Variants in CFAP210 observed in about 807,000 individuals in gnomAD.
The protein encoded by CFAP210 is cilia- and flagella- associated protein 210.
chr2:169,651,324 GT>G, the CFAP210 span, among the ~76,000 whole-genome samples: 1 of 151,792 alleles, frequency 6.6e-6, no homozygotes, highest in Admixed American at 6.6e-5. Flanking sequence ...GAGCCCAGGG[GT>G]TCAAGGTGGC....
the CFAP210 span, chr2:169,648,162 CAAAAAAAAAAAAAAA>C: frequency 2.0e-3 from 204 of 101,676 alleles, no homozygotes; most frequent in South Asian, 4.9e-3. Flanking sequence ...AACTCTGTCT[CAAAAAAAAAAAAAAA>C]AAAAAAAAAA....
At chr2:169,646,989 G>A in the CFAP210 span, among the ~76,000 whole-genome samples, 68,873 of 151,736 alleles carry the variant, frequency 0.45, 16,454 homozygotes, top group African/African-American at 0.59. Flanking sequence ...CAAAATGTTG[G>A]CATAAAATAG....
chr2:169,684,548 A>G, the CFAP210 span, among the ~76,000 whole-genome samples: 86 of 152,358 alleles, frequency 5.6e-4, no homozygotes, highest in Non-Finnish European at 1.2e-3. Context: ...TGTGCATGGA[A>G]TCATACAATA....
chr2:169,649,657 G>C, the CFAP210 span, among the ~76,000 whole-genome samples: 1 of 152,148 alleles, frequency 6.6e-6, no homozygotes, highest in African/African-American at 2.4e-5. Context: ...GCCATACTTG[G>C]TGGCTCAACA....
the CFAP210 span, among the ~76,000 whole-genome samples, chr2:169,654,848 T>C: frequency 1.3e-5 from 2 of 152,016 alleles, no homozygotes; most frequent in Non-Finnish European, 2.9e-5. Flanking sequence ...ACCAAAAATG[T>C]TTTTTTACAT....
chr2:169,647,032 A>AT, the CFAP210 span, among the ~76,000 whole-genome samples: 1 of 152,286 alleles, frequency 6.6e-6, no homozygotes, highest in African/African-American at 2.4e-5. Context: ...ATAAATTTAA[A>AT]TTTTTGATGG....
chr2:169,650,581 ATAATT>A, the CFAP210 span: 2 of 1,344,274 alleles, frequency 1.5e-6, no homozygotes, highest in Non-Finnish European at 1.9e-6. Context: ...TGGAGCCAAC[ATAATT>A]TAATTAGGGA....
chr2:169,680,935 AG>A, the CFAP210 span: 6 of 1,270,282 alleles, frequency 4.7e-6, no homozygotes, highest in Non-Finnish European at 5.5e-6. Context: ...ATTTATAAAA[AG>A]AAGCATAAGA....
At chr2:169,669,298 A>C in the CFAP210 span, among the ~76,000 whole-genome samples, 1 of 152,198 alleles carries the variant, frequency 6.6e-6, no homozygotes, top group African/African-American at 2.4e-5. Flanking sequence ...AGGACTGGTA[A>C]GAGAGGAGGT....
chr2:169,654,244 A>G, the CFAP210 span: 1 of 1,520,656 alleles, frequency 6.6e-7, no homozygotes, highest in Non-Finnish European at 8.8e-7. Flanking sequence ...ATATTAACTT[A>G]TCACAAAGAA....
At chr2:169,656,421 G>A in the CFAP210 span, among the ~76,000 whole-genome samples, 1 of 151,162 alleles carries the variant, frequency 6.6e-6, no homozygotes, top group Non-Finnish European at 1.5e-5. Context: ...AGAAGGAGGA[G>A]GACGAGGAAG....
the CFAP210 span, among the ~76,000 whole-genome samples, chr2:169,663,691 A>C: frequency 6.6e-6 from 1 of 152,126 alleles, no homozygotes; most frequent in Admixed American, 6.5e-5. Context: ...ATCTGTGCAG[A>C]ATAATAAGCT....
the CFAP210 span, among the ~76,000 whole-genome samples, chr2:169,649,025 GAAAC>G: frequency 3.9e-5 from 6 of 152,158 alleles, no homozygotes; most frequent in East Asian, 3.9e-4. Flanking sequence ...ACTGGAGATA[GAAAC>G]AAACCTCACA....
chr2:169,670,093 T>A, the CFAP210 span, among the ~76,000 whole-genome samples: 1 of 152,198 alleles, frequency 6.6e-6, no homozygotes, highest in East Asian at 1.9e-4. Flanking sequence ...GCTGATGGGA[T>A]TAACAGACAG....
chr2:169,661,497 A>T, the CFAP210 span: 1 of 250,468 alleles, frequency 4.0e-6, no homozygotes, highest in Non-Finnish European at 7.8e-6. Flanking sequence ...CCAGGCCTGG[A>T]GCTAGAGAGC....
chr2:169,688,562 A>G, the CFAP210 span, among the ~76,000 whole-genome samples: 1 of 152,166 alleles, frequency 6.6e-6, no homozygotes, highest in Non-Finnish European at 1.5e-5. Flanking sequence ...AGGTACCCTA[A>G]ATCATCTTTC....
chr2:169,688,006 C>G, the CFAP210 span, among the ~76,000 whole-genome samples: 1 of 152,232 alleles, frequency 6.6e-6, no homozygotes, highest in Non-Finnish European at 1.5e-5. Context: ...CTTGGGGCTT[C>G]CACCCTCTGA....
the CFAP210 span, among the ~76,000 whole-genome samples, chr2:169,679,160 T>C: frequency 0.64 from 97,572 of 151,978 alleles, 31,872 homozygotes; most frequent in African/African-American, 0.78. Context: ...CAATACCTCA[T>C]TGCATATAAG....
At chr2:169,649,440 G>A in the CFAP210 span, 1 of 1,154,608 alleles carries the variant, frequency 8.7e-7, no homozygotes, top group Non-Finnish European at 1.2e-6. Context: ...AAGCAGAGGA[G>A]AGTCAGCCAG....
Sources: gnomAD v4.1 joint callset for allele counts (sites outside exome capture counted in the v4.1 genomes callset) on GRCh38, gnomAD v4.1.1 for gene constraint, MANE v1.5 for transcripts, NCBI Gene and HGNC (gene_info 2026-07-23, HGNC 2026-07-21) for gene names.